The following LDAH variants were observed in gnomAD, a reference collection of about 807,000 sequenced individuals.
The protein encoded by LDAH is lipid droplet associated hydrolase.
LDAH carries 26 observed loss-of-function variants against 29.6 expected under a neutral mutation model. That is an observed-to-expected ratio of 0.88 (90% CI 0.64 to 1.22). The LOEUF (loss-of-function observed/expected upper bound fraction) is 1.22. Among genes scored for constraint, LDAH ranks in the 50% most tolerant of loss-of-function variants. The pLI, the probability that LDAH is intolerant of heterozygous loss-of-function variation, is 0.00. For missense variants in LDAH, 344 were observed against 387.3 expected (o/e 0.89, Z 0.94); for synonymous variants, 117 against 133.0 (o/e 0.88, Z 0.83).
intron 1 of LDAH, among the ~76,000 whole-genome samples, chr2:20,806,526 C>A (rs1038131709): frequency 1.3e-5 from 2 of 152,050 alleles, no homozygotes; most frequent in Admixed American, 6.5e-5. Context: ...TTACTTTAGT[C>A]ATTTTTTAAA....
At chr2:20,786,322 T>C (rs1391258038) in intron 3 of LDAH, among the ~76,000 whole-genome samples, 5 of 152,112 alleles carry the variant, frequency 3.3e-5, no homozygotes, top group African/African-American at 7.2e-5. Context: ...CCCGAGTAGC[T>C]GGGAGTACAG....
At chr2:20,785,755 T>C (rs1179071590) in intron 3 of LDAH, among the ~76,000 whole-genome samples, 1 of 152,250 alleles carries the variant, frequency 6.6e-6, no homozygotes, top group African/African-American at 2.4e-5. Context: ...TCTATTAACC[T>C]ATTTTTCCAG....
chr2:20,688,348 T>C (rs1662718449), intron 6 of LDAH, among the ~76,000 whole-genome samples: 1 of 152,046 alleles, frequency 6.6e-6, no homozygotes, highest in African/African-American at 2.4e-5. Flanking sequence ...ATGGCTGGAA[T>C]ATAGGGTGGT....
chr2:20,764,932 G>A (rs1025034635), intron 4 of LDAH, among the ~76,000 whole-genome samples: 2 of 152,148 alleles, frequency 1.3e-5, no homozygotes, highest in Admixed American at 6.5e-5. Context: ...ATGTGAACAC[G>A]TTTTATAAAT....
chr2:20,692,356 T>C (rs1481226914), intron 6 of LDAH, among the ~76,000 whole-genome samples: 1 of 152,230 alleles, frequency 6.6e-6, no homozygotes, highest in Non-Finnish European at 1.5e-5. Flanking sequence ...TGCATGCTTT[T>C]ATGCATTACT....
chr2:20,800,175 G>A (rs1394746787), intron 2 of LDAH, among the ~76,000 whole-genome samples: 1 of 152,176 alleles, frequency 6.6e-6, no homozygotes, highest in East Asian at 1.9e-4. Context: ...TGGCAGAATT[G>A]TTTTATAATC....
rs1475700522 is a variant in LDAH, at chr2:20,687,089, T to G, written c.792A>C (p.Thr264=). ...AAGGATCTATAGTACCATAATAAAA[T>G]GTAAGCTGAAAGACAAGACAAAAAC... ...ETIKEHLCKL[T]FYYGTIDPWC... Residue 264 remains threonine, a synonymous_variant, in exon 7 of 7, where the codon ACA becomes ACC. Coordinates refer to ENST00000237822, the MANE Select transcript of LDAH (RefSeq NM_021925.4). 1.1e-5 allele frequency: 17 copies of G among 1,602,544 alleles called. No homozygotes were observed. The highest frequency in any genetic ancestry group is 1.4e-5 in the Non-Finnish European group (16 of 1,175,078).
rs1477364739 is a variant in LDAH, at chr2:20,685,273, T to C, written c.*1630A>G. On this transcript the variant is annotated 3_prime_UTR_variant, in exon 7 of 7. Coordinates refer to ENST00000237822, the MANE Select transcript of LDAH (RefSeq NM_021925.4). ...GGTAGGTATGATTTACCCAGTATTG[T>C]TTACATGCCTTGATTTAGTATCAGT... is the stretch of plus-strand genomic sequence containing the variant. The C allele has an allele frequency of 9.9e-6, 5 of 507,354 alleles. No homozygotes were observed. Among genetic ancestry groups the C allele is most frequent in the Non-Finnish European group, 1.7e-5 (5 of 292,042 alleles). The allele number at this position is 507,354 out of a possible 1,614,324, so 31.4% of individuals were successfully genotyped here. A position where few individuals can be genotyped will look rare whatever the true frequency, so the allele number is the denominator to read the frequency against.
At chr2:20,729,143 TG>T (rs1666222818) in intron 5 of LDAH, among the ~76,000 whole-genome samples, 1 of 152,218 alleles carries the variant, frequency 6.6e-6, no homozygotes, top group Non-Finnish European at 1.5e-5. Flanking sequence ...TCTTGCTCCC[TG>T]CTGCCTAAAC....
At chr2:20,790,483 T>C (rs1431818074) in intron 2 of LDAH, 85 bp from the exon 3 acceptor site, 3 of 1,121,484 alleles carry the variant, frequency 2.7e-6, no homozygotes, top group African/African-American at 3.2e-5. Flanking sequence ...ATGGGTCTGT[T>C]TCTTTTCACA....
intron 4 of LDAH, among the ~76,000 whole-genome samples, chr2:20,751,697 A>C (rs1667984925): frequency 6.6e-6 from 1 of 152,206 alleles, no homozygotes; most frequent in African/African-American, 2.4e-5. Context: ...TAAAGAAACA[A>C]CAGATTGACA....
chr2:20,692,181 C>T (rs1374859083), intron 6 of LDAH, among the ~76,000 whole-genome samples: 9 of 152,204 alleles, frequency 5.9e-5, no homozygotes, highest in Non-Finnish European at 1.3e-4. Flanking sequence ...CCTGGAACAG[C>T]TCACAGACTA....
intron 5 of LDAH, among the ~76,000 whole-genome samples, chr2:20,714,364 T>C (rs1664997940): frequency 1.3e-5 from 2 of 152,208 alleles, no homozygotes; most frequent in Admixed American, 1.3e-4. Flanking sequence ...CCAGGATCTC[T>C]GGGACACATT....
chr2:20,727,277 T>C (rs866956555), intron 5 of LDAH, among the ~76,000 whole-genome samples: 3 of 152,186 alleles, frequency 2.0e-5, no homozygotes, highest in Non-Finnish European at 4.4e-5. Context: ...GCTGCTCAGA[T>C]AAATGAGAGA....
At chr2:20,777,043 C>T (rs2125025949) in intron 3 of LDAH, among the ~76,000 whole-genome samples, 1 of 152,318 alleles carries the variant, frequency 6.6e-6, no homozygotes, top group Admixed American at 6.5e-5. Context: ...CCTCCAATGG[C>T]TGTTGTTTAA....
At chr2:20,696,050 T>A (rs1663448154) in intron 6 of LDAH, among the ~76,000 whole-genome samples, 1 of 152,158 alleles carries the variant, frequency 6.6e-6, no homozygotes, top group South Asian at 2.1e-4. Context: ...AATATTGAGA[T>A]AAAAACAAAC....
chr2:20,758,666 C>T (rs574922634), intron 4 of LDAH, among the ~76,000 whole-genome samples: 1 of 152,250 alleles, frequency 6.6e-6, no homozygotes, highest in Admixed American at 6.5e-5. Context: ...GTAAAAATGA[C>T]TGGGAAGAAT....
intron 1 of LDAH, among the ~76,000 whole-genome samples, chr2:20,820,523 C>T (rs988695326): frequency 1.3e-5 from 2 of 152,158 alleles, no homozygotes; most frequent in African/African-American, 4.8e-5. Flanking sequence ...GAAAGGATTC[C>T]CTACTTAACA....
At chr2:20,740,924 T>A (rs541832174) in intron 4 of LDAH, among the ~76,000 whole-genome samples, 2 of 152,222 alleles carry the variant, frequency 1.3e-5, no homozygotes, top group East Asian at 1.9e-4. Context: ...TGTTTCTATA[T>A]CCTTTTCAGC....
Sources: gnomAD v4.1 joint callset for allele counts (sites outside exome capture counted in the v4.1 genomes callset) on GRCh38, gnomAD v4.1.1 for gene constraint, MANE v1.5 for transcripts, NCBI Gene and HGNC (gene_info 2026-07-23, HGNC 2026-07-21) for gene names.